Variants in SNX29 observed in about 807,000 individuals in gnomAD.
SNX29 encodes sorting nexin-29.
Under a neutral mutation model 102.1 loss-of-function variants are expected in SNX29, and 78 were observed. The observed-to-expected ratio is 0.76, with a 90% confidence interval of 0.64 to 0.92. SNX29 has a LOEUF of 0.92. Among genes scored for constraint, SNX29 ranks in the 40% least tolerant of loss-of-function variants. The pLI is 0.00. For missense variants in SNX29, 1,280 were observed against 1,061.7 expected (o/e 1.21, Z -2.86); for synonymous variants, 580 against 414.5 (o/e 1.40, Z -4.85).
intron 19 of SNX29, among the ~76,000 whole-genome samples, chr16:12,518,580 A>G (rs1211876263): frequency 6.6e-6 from 1 of 152,084 alleles, no homozygotes; most frequent in Non-Finnish European, 1.5e-5. Context: ...AAACGTAGAT[A>G]TTCCTCCCTG....
chr16:11,986,347 T>C (rs554176259), intron 1 of SNX29, among the ~76,000 whole-genome samples: 35 of 146,066 alleles, frequency 2.4e-4, no homozygotes, highest in African/African-American at 6.3e-4. Context: ...CTGTGTTTCT[T>C]GGAATCTGCT....
At chr16:12,079,915 A>AG (rs1222905564) in intron 11 of SNX29, among the ~76,000 whole-genome samples, 2 of 152,258 alleles carry the variant, frequency 1.3e-5, no homozygotes, top group African/African-American at 4.8e-5. Flanking sequence ...GAGCTTGGAT[A>AG]GGGAAAAAAA....
chr16:12,277,239 CA>C (rs933264603), intron 14 of SNX29, among the ~76,000 whole-genome samples: 9 of 151,854 alleles, frequency 5.9e-5, no homozygotes, highest in African/African-American at 2.2e-4. Context: ...ACTAAAAAAA[CA>C]AAAAAAGAAC....
chr16:12,549,498 A>G (rs985658979), intron 20 of SNX29, among the ~76,000 whole-genome samples: 1 of 149,954 alleles, frequency 6.7e-6, no homozygotes, highest in Non-Finnish European at 1.5e-5. Context: ...CACACATACA[A>G]AGATGTTCAT....
chr16:12,363,353 T>A (rs1158251179), intron 16 of SNX29, among the ~76,000 whole-genome samples: 1 of 152,146 alleles, frequency 6.6e-6, no homozygotes, highest in African/African-American at 2.4e-5. Context: ...CTCAGCCACT[T>A]CCCTCTTCCT....
rs1439389214 is a variant in SNX29 at position 12,527,806 on chromosome 16, T to A, written c.2318+2965T>A. 2.6e-5 allele frequency among the ~76,000 whole-genome samples: 4 copies of A among 151,924 alleles called. No individual in the cohort carries two copies. The East Asian group carries it at 7.7e-4, about 29-fold the overall frequency. ...CCAGTATAGTGGGGTTTTGTTTTGTTATTTATTTTTCTTCTTCTTCTTTTT... is the reference window on the plus strand; with the variant it reads ...CCAGTATAGTGGGGTTTTGTTTTGTAATTTATTTTTCTTCTTCTTCTTTTT... On this transcript the variant is annotated intron_variant, in intron 20 of 20. Coordinates refer to ENST00000566228, the MANE Select transcript of SNX29 (RefSeq NM_032167.5).
chr16:12,166,301 G>A (rs1389273836), intron 13 of SNX29, among the ~76,000 whole-genome samples: 1 of 152,190 alleles, frequency 6.6e-6, no homozygotes, highest in South Asian at 2.1e-4. Context: ...AGACAAATGA[G>A]GGGGCCATGA....
At chr16:12,167,659 A>G (rs144999115) in intron 13 of SNX29, among the ~76,000 whole-genome samples, 7 of 152,234 alleles carry the variant, frequency 4.6e-5, no homozygotes, top group Middle Eastern at 3.4e-3. Flanking sequence ...AATCCTCCCA[A>G]TGAGGTAGGT....
intron 15 of SNX29, among the ~76,000 whole-genome samples, chr16:12,288,225 G>A (rs906587501): frequency 1.3e-5 from 2 of 152,124 alleles, no homozygotes; most frequent in African/African-American, 4.8e-5. Flanking sequence ...CTGGGTGGAA[G>A]CAGCTTTCCA....
intron 3 of SNX29, among the ~76,000 whole-genome samples, chr16:12,003,610 G>A (rs1018511236): frequency 2.0e-5 from 3 of 152,190 alleles, no homozygotes; most frequent in African/African-American, 7.2e-5. Flanking sequence ...ACACCGAAAC[G>A]TGGCCTGAGG....
intron 14 of SNX29, among the ~76,000 whole-genome samples, chr16:12,221,570 C>T (rs2077478893): frequency 1.3e-5 from 2 of 152,096 alleles, no homozygotes; most frequent in African/African-American, 4.8e-5. Flanking sequence ...GCCAAGATGG[C>T]GCCACTGCAC....
rs1725065811 is a variant in SNX29, at chr16:12,052,009, T to C, written c.911T>C (p.Met304Thr). The C allele has an allele frequency of 6.2e-7, 1 of 1,613,844 alleles. No individual in the cohort carries two copies. Among genetic ancestry groups the C allele is most frequent in the Admixed American group, 1.7e-5 (1 of 60,000 alleles). Residue 304 changes from methionine to threonine, a missense_variant, in exon 8 of 21, where the codon ATG (methionine) becomes ACG (threonine). Met to Thr is a moderately conservative substitution (Grantham distance 81). Coordinates refer to ENST00000566228, the MANE Select transcript of SNX29 (RefSeq NM_032167.5). ...DNSDRSSVNIMSAFESPFGPN... is the reference protein window; with the variant it reads ...DNSDRSSVNITSAFESPFGPN... Reference sequence around the variant, plus strand: ...TCCGACCGCTCCTCTGTCAATATCATGTCCGCCTTTGAAAGCCCCTTCGGG... The same window carrying C: ...TCCGACCGCTCCTCTGTCAATATCACGTCCGCCTTTGAAAGCCCCTTCGGG...
intron 18 of SNX29, among the ~76,000 whole-genome samples, chr16:12,433,506 C>T (rs1287688542): frequency 6.6e-6 from 1 of 151,824 alleles, no homozygotes; most frequent in African/African-American, 2.4e-5. Flanking sequence ...TGGCATATGC[C>T]TGTAGTCCCA....
chr16:12,567,009 AG>A (rs1417357280), intron 20 of SNX29, among the ~76,000 whole-genome samples: 1 of 152,254 alleles, frequency 6.6e-6, no homozygotes, highest in African/African-American at 2.4e-5. Context: ...AACGCAAAGT[AG>A]ATCATTGTGA....
intron 13 of SNX29, among the ~76,000 whole-genome samples, chr16:12,138,251 A>G (rs1597018870): frequency 7.5e-6 from 1 of 132,566 alleles, no homozygotes; most frequent in South Asian, 2.3e-4. Flanking sequence ...TCTGTCTCCC[A>G]GGCTGGAGTG....
At chr16:12,344,501 A>G (rs150897046) in intron 15 of SNX29, among the ~76,000 whole-genome samples, 426 of 152,320 alleles carry the variant, frequency 2.8e-3, no homozygotes, top group Non-Finnish European at 4.8e-3. Context: ...GGTTTGGCAA[A>G]TGGTAGATGC....
At chr16:12,040,631 A>C (rs2049842847) in intron 4 of SNX29, among the ~76,000 whole-genome samples, 1 of 152,248 alleles carries the variant, frequency 6.6e-6, no homozygotes, top group African/African-American at 2.4e-5. Context: ...TTTACTGTAC[A>C]GAGGGAAAGT....
intron 20 of SNX29, among the ~76,000 whole-genome samples, chr16:12,548,131 T>G (rs1231114073): frequency 1.3e-5 from 2 of 152,162 alleles, no homozygotes; most frequent in African/African-American, 4.8e-5. Context: ...CAAGTAGGAA[T>G]TTTCTATCCC....
intron 19 of SNX29, among the ~76,000 whole-genome samples, chr16:12,516,023 C>T (rs2089847952): frequency 6.6e-6 from 1 of 152,152 alleles, no homozygotes; most frequent in Admixed American, 6.6e-5. Context: ...CAGGGAATTT[C>T]CTTTTCTCGG....
Sources: gnomAD v4.1 joint callset for allele counts (sites outside exome capture counted in the v4.1 genomes callset) on GRCh38, gnomAD v4.1.1 for gene constraint, MANE v1.5 for transcripts, NCBI Gene and HGNC (gene_info 2026-07-23, HGNC 2026-07-21) for gene names.